Variants in MIA2 observed in about 807,000 individuals in gnomAD.
MIA2 encodes melanoma inhibitory activity protein 2.
A neutral mutation model predicts 167.8 loss-of-function variants in MIA2; 127 were observed. That is an observed-to-expected ratio of 0.76 (90% confidence interval 0.66 to 0.88). The LOEUF is 0.88. Ranked by LOEUF, MIA2 falls within the 40% of genes least tolerant of loss-of-function variation. The probability of loss-of-function intolerance (pLI) is 0.00; values close to 1 mark genes in which losing one functional copy is unlikely to be tolerated. For missense variants in MIA2, 1,690 were observed against 1,624.7 expected, an observed-to-expected ratio of 1.04 and a Z score of -0.69; for synonymous variants, 552 against 541.9, an observed-to-expected ratio of 1.02 and a Z score of -0.26.
In MIA2 at chr14:39,317,970, C is replaced by A. The variant is rs753659798; in HGVS notation, c.3243C>A (p.Asn1081Lys). The change falls in exon 22 of 29, where the codon AAC becomes AAA. Residue 1081 changes from asparagine (N) to lysine (K), a missense_variant. By Grantham distance (94) the Asn-to-Lys change is moderately conservative. Coordinates refer to ENST00000640607, the MANE Select transcript of MIA2 (RefSeq NM_001329214.4). ...NWLAARNAER[N>K]LNDLRKENAH... Reference sequence around the variant, plus strand: ...TGGCAGCTCGGAATGCTGAAAGAAACCTCAATGATTTAAGGAAAGAAAATG... The same window carrying A: ...TGGCAGCTCGGAATGCTGAAAGAAAACTCAATGATTTAAGGAAAGAAAATG... The A allele has an allele frequency of 1.3e-6, 2 of 1,581,078 alleles. No homozygotes were observed. Among genetic ancestry groups the A allele is most frequent in the Admixed American group, 3.6e-5 (2 of 54,928 alleles).
chr14:39,238,795 A>AAAAAAAAAAAAAAAAAAAAAT (rs2053895734), intron 2 of MIA2, among the ~76,000 whole-genome samples: 1 of 141,666 alleles, frequency 7.1e-6, no homozygotes, highest in Non-Finnish European at 1.5e-5. Flanking sequence ...CCCTGTCTCA[A>AAAAAAAAAAAAAAAAAAAAAT]AAAAAAAAAA....
At position 39,347,072 on chromosome 14, in the gene MIA2, A is replaced by G. The variant is rs140517331; in HGVS notation, c.3779-641A>G. ...TTTCACTTGTGTCAAGCACAAGTGA[A>G]AAATGACCAGTAAGACAAGGACATT... On this transcript the variant is annotated intron_variant, in intron 26 of 28. Coordinates refer to ENST00000640607, the MANE Select transcript of MIA2 (RefSeq NM_001329214.4). 1.3e-3 allele frequency among the ~76,000 whole-genome samples: 200 copies of G among 152,258 alleles called. 1 individual carries two copies. Among genetic ancestry groups the G allele is most frequent in the African/African-American group, 4.6e-3 (191 of 41,560 alleles).
chr14:39,357,105 C>T lies in MIA2; in HGVS notation c.2248+8128C>T, dbSNP rs150519089. 6.2e-3 allele frequency among the ~76,000 whole-genome samples: 948 copies of T among 152,208 alleles called. 5 individuals carry two copies. Among genetic ancestry groups the T allele is most frequent in the Non-Finnish European group, 8.4e-3 (574 of 68,016 alleles). ...GAGCTGAGTTCAGTTCCTGGATATC[C>T]TTGTTAACTTTCTGTCTCGTTGATC... On this transcript the variant is annotated intron_variant, in intron 23 of 23. Coordinates refer to the MIA2 transcript ENST00000341502.
At chr14:39,303,341 TATACC>T (rs1297303658) in intron 15 of MIA2, 132 bp from the exon 16 acceptor site, 6 of 640,088 alleles carry the variant, frequency 9.4e-6, no homozygotes, top group Non-Finnish European at 1.3e-5. Flanking sequence ...CATTCTGCTT[TATACC>T]AAATTCTTTA....
chr14:39,243,831 A>G (rs1206971562), intron 3 of MIA2, among the ~76,000 whole-genome samples: 1 of 152,220 alleles, frequency 6.6e-6, no homozygotes, highest in Non-Finnish European at 1.5e-5. Flanking sequence ...ATGCCACTGC[A>G]CTCCAGACTG....
At chr14:39,234,310 T>TA (rs1382922195) in intron 1 of MIA2, 81 bp downstream of exon 1, 2 of 792,604 alleles carry the variant, frequency 2.5e-6, no homozygotes, top group East Asian at 5.6e-5. Context: ...TCACGCATGA[T>TA]AAAAATGAGT....
intron 2 of MIA2, among the ~76,000 whole-genome samples, chr14:39,239,372 T>TAC (rs149021252): frequency 0.14 from 21,294 of 150,204 alleles, 2,518 homozygotes; most frequent in African/African-American, 0.34. Context: ...ATAGCAAGAA[T>TAC]ACACACACAC....
intron 9 of MIA2, among the ~76,000 whole-genome samples, chr14:39,279,843 TAA>T (rs1185332302): frequency 6.6e-6 from 1 of 152,208 alleles, no homozygotes; most frequent in Non-Finnish European, 1.5e-5. Context: ...TCTCTTTTCG[TAA>T]AGACACCAGT....
intron 23 of MIA2, among the ~76,000 whole-genome samples, chr14:39,372,241 AGT>A (rs1204788494): frequency 6.6e-6 from 1 of 152,082 alleles, no homozygotes; most frequent in Non-Finnish European, 1.5e-5. Context: ...TAGAAAGCCA[AGT>A]GTGTGTTTTA....
downstream of MIA2, among the ~76,000 whole-genome samples, chr14:39,354,964 C>A (rs970352892): frequency 5.9e-5 from 9 of 151,904 alleles, no homozygotes; most frequent in Admixed American, 3.9e-4. Flanking sequence ...GTTACTGTAG[C>A]CTTGTAGTAT....
intron 18 of MIA2, among the ~76,000 whole-genome samples, chr14:39,310,548 T>C (rs2064072859): frequency 6.6e-6 from 1 of 152,014 alleles, no homozygotes; most frequent in Non-Finnish European, 1.5e-5. Context: ...GTTGATAAAA[T>C]TGTTGTGACC....
At position 39,347,207 on chromosome 14, in the gene MIA2, A is replaced by G. The variant is rs529097215; in HGVS notation, c.3779-506A>G. Among the ~76,000 whole-genome samples the G allele has an allele frequency of 5.9e-5, 9 of 152,330 alleles. No homozygotes were observed. In the South Asian group the frequency reaches 1.9e-3, roughly 32 times the overall value. On this transcript the variant is annotated intron_variant, in intron 26 of 28. Transcript: ENST00000640607. The stretch of plus-strand genomic sequence containing the variant: ...GTGACTTCCAAGGACAGATGTAGTG[A>G]GAATAAATGAGAAAGCTACAAGAGG...
chr14:39,271,540 A>C (rs1322051867), intron 6 of MIA2, among the ~76,000 whole-genome samples: 2 of 152,110 alleles, frequency 1.3e-5, no homozygotes, highest in African/African-American at 2.4e-5. Context: ...TTTAGGATTC[A>C]GTTTGTCCAT....
chr14:39,344,444 C>T (rs112987136), intron 25 of MIA2, among the ~76,000 whole-genome samples: 1 of 152,188 alleles, frequency 6.6e-6, no homozygotes, highest in African/African-American at 2.4e-5. Context: ...CAGCTCCTCC[C>T]TAGGATTTTG....
In MIA2 at chr14:39,247,432, A is replaced by G. The variant is rs772824612; in HGVS notation, c.858A>G (p.Ser286=). 9 of 1,614,104 alleles carry G rather than the reference A, an allele frequency of 5.6e-6. No individual in the cohort carries two copies. Among genetic ancestry groups the G allele is most frequent in the South Asian group, 5.5e-5 (5 of 91,072 alleles). Residue 286 remains serine (S), a synonymous_variant, in exon 4 of 29, where the codon TCA becomes TCG. Transcript: ENST00000640607. ...HQQESESEID[S]VPKTQSELAS... ...AAGAATCTGAATCAGAAATTGATTC[A>G]GTGCCAAAGACACAGTCTGAACTAG...
chr14:39,358,777 A>G (rs1328624710), intron 23 of MIA2, among the ~76,000 whole-genome samples: 1 of 152,170 alleles, frequency 6.6e-6, no homozygotes, highest in South Asian at 2.1e-4. Flanking sequence ...AACAGTCAGG[A>G]TCCTCAGCTG....
At chr14:39,333,501 G>C (rs537876340) in intron 25 of MIA2, among the ~76,000 whole-genome samples, 12 of 152,226 alleles carry the variant, frequency 7.9e-5, no homozygotes, top group African/African-American at 2.9e-4. Context: ...CTCCTTTCTA[G>C]GATATCCCAA....
At chr14:39,325,515 C>A (rs1043005422) in intron 24 of MIA2, among the ~76,000 whole-genome samples, 18 of 148,602 alleles carry the variant, frequency 1.2e-4, no homozygotes, top group African/African-American at 4.5e-4. Flanking sequence ...CTACAGGCGC[C>A]TGCCACCATG....
chr14:39,353,398 T>A (rs1481956409), downstream of MIA2, among the ~76,000 whole-genome samples: 3 of 152,182 alleles, frequency 2.0e-5, no homozygotes, highest in Admixed American at 2.0e-4. Flanking sequence ...TCTGTGTACA[T>A]GAGATTAAGT....
Sources: allele counts gnomAD v4.1 joint callset (sites outside exome capture counted in the v4.1 genomes callset), GRCh38; gene constraint gnomAD v4.1.1; transcripts MANE v1.5; gene names NCBI Gene and HGNC (gene_info 2026-07-23, HGNC 2026-07-21).